ACSM1: variants seen among roughly 807,000 people sequenced by gnomAD.
The protein encoded by ACSM1 is acyl-coenzyme A synthetase ACSM1, mitochondrial.
A neutral mutation model predicts 75.8 loss-of-function variants in ACSM1; 79 were observed. The observed-to-expected ratio is 1.04, with a 90% CI of 0.87 to 1.26. ACSM1 has a LOEUF of 1.26. Ranked by LOEUF, ACSM1 falls within the 50% of genes most tolerant of loss-of-function variation. ACSM1 has a pLI of 0.00. For missense variants in ACSM1, 676 were observed against 720.1 expected (o/e 0.94, Z 0.70); for synonymous variants, 279 against 265.8 (o/e 1.05, Z -0.48).
intron 1 of ACSM1, among the ~76,000 whole-genome samples, chr16:20,694,681 A>G (rs1405163094): frequency 1.3e-5 from 2 of 152,222 alleles, no homozygotes; most frequent in Non-Finnish European, 2.9e-5. Flanking sequence ...TAGTGAGGGA[A>G]TCCATTAACC....
chr16:20,666,412 CT>C (rs1371423723), intron 6 of ACSM1, among the ~76,000 whole-genome samples: 1 of 152,078 alleles, frequency 6.6e-6, no homozygotes, highest in Non-Finnish European at 1.5e-5. Flanking sequence ...AAGAATACAT[CT>C]AACCAAGGAG....
At chr16:20,653,054 C>G (rs112103591) in intron 7 of ACSM1, among the ~76,000 whole-genome samples, 18,749 of 152,168 alleles carry the variant, frequency 0.12, 1,643 homozygotes, top group East Asian at 0.5. Flanking sequence ...GCTTATCCAC[C>G]ATGATCAGGT....
chr16:20,627,887 T>TAC, intron 10 of ACSM1, among the ~76,000 whole-genome samples: 1 of 27,882 alleles, frequency 3.6e-5, no homozygotes, highest in South Asian at 8.9e-4. Context: ...TATATATATA[T>TAC]ATATATATAT....
chr16:20,635,580 T>TTTTCTTTC (rs56177992), intron 10 of ACSM1, among the ~76,000 whole-genome samples: 125 of 124,580 alleles, frequency 1.0e-3, no homozygotes, highest in South Asian at 4.2e-3. Flanking sequence ...TAATTTTTCT[T>TTTTCTTTC]TTTCTTTCTT....
intron 7 of ACSM1, among the ~76,000 whole-genome samples, chr16:20,651,022 T>C (rs981986071): frequency 6.8e-6 from 1 of 147,140 alleles, no homozygotes; most frequent in Non-Finnish European, 1.5e-5. Flanking sequence ...GGGAACTTTT[T>C]GTGTGTGTGT....
rs556067600 is a variant in ACSM1, at chr16:20,646,902, C to A, written c.993-6318G>T. Among the ~76,000 whole-genome samples, 10 of 152,314 alleles carry A rather than the reference C, an allele frequency of 6.6e-5. No homozygotes were observed. The East Asian group carries it at 1.5e-3, about 23-fold the overall frequency. ...CTGAATATACTTCCTCCAATTCCTG[C>A]CTAAAGATAATTTTATGGGGAAGAG... On this transcript the variant is annotated intron_variant, in intron 7 of 13. Transcript: ENST00000520010.
intron 10 of ACSM1, among the ~76,000 whole-genome samples, chr16:20,629,600 G>A (rs1307220406): frequency 4.6e-5 from 7 of 152,290 alleles, no homozygotes; most frequent in Admixed American, 1.3e-4. Flanking sequence ...TTAAATGTAG[G>A]TGGAGTAAGC....
intron 10 of ACSM1, among the ~76,000 whole-genome samples, chr16:20,634,130 G>A (rs139702119): frequency 2.2e-4 from 33 of 152,264 alleles, no homozygotes; most frequent in Non-Finnish European, 4.1e-4. Context: ...ATGGAGAAAG[G>A]TCAGTCGTCA....
chr16:20,636,609 C>T (rs930104562), intron 10 of ACSM1, 130 bp downstream of exon 10: 36 of 677,092 alleles, frequency 5.3e-5, no homozygotes, highest in Non-Finnish European at 6.9e-5. Flanking sequence ...CGGTGAGCTT[C>T]GAGTTGAATG....
chr16:20,652,885 C>A (rs1251040021), intron 7 of ACSM1, among the ~76,000 whole-genome samples: 2 of 152,126 alleles, frequency 1.3e-5, no homozygotes, highest in Non-Finnish European at 2.9e-5. Flanking sequence ...AAGAGGGAAT[C>A]CTCCCTAACT....
intron 4 of ACSM1, chr16:20,673,996 T>C (rs1214274313): frequency 1.8e-5 from 7 of 390,720 alleles, no homozygotes; most frequent in African/African-American, 8.4e-5. Context: ...CAGGGTCACA[T>C]AGCAAAACAG....
At chr16:20,649,723 T>C (rs969020881) in intron 7 of ACSM1, among the ~76,000 whole-genome samples, 11 of 152,196 alleles carry the variant, frequency 7.2e-5, no homozygotes, top group Admixed American at 7.2e-4. Flanking sequence ...AAGCCCCCAC[T>C]TTGAGTTGTC....
chr16:20,652,929 A>G (rs2018727260), intron 7 of ACSM1, among the ~76,000 whole-genome samples: 1 of 152,186 alleles, frequency 6.6e-6, no homozygotes, highest in Non-Finnish European at 1.5e-5. Flanking sequence ...CTGATACCAA[A>G]GCCTGGCAGA....
At chr16:20,663,814 C>T (rs1157781225) in intron 6 of ACSM1, among the ~76,000 whole-genome samples, 1 of 152,092 alleles carries the variant, frequency 6.6e-6, no homozygotes, top group Non-Finnish European at 1.5e-5. Context: ...ATTCTAGTTC[C>T]CCCTTCCGTG....
At chr16:20,669,316 CA>C (rs2019748381) in intron 6 of ACSM1, among the ~76,000 whole-genome samples, 2 of 151,984 alleles carry the variant, frequency 1.3e-5, no homozygotes, top group African/African-American at 4.8e-5. Context: ...ACCTATTTTG[CA>C]GATAAGGAAA....
intron 10 of ACSM1, among the ~76,000 whole-genome samples, chr16:20,628,030 C>A (rs1481283910): frequency 1.3e-5 from 2 of 150,770 alleles, no homozygotes; most frequent in Non-Finnish European, 2.9e-5. Flanking sequence ...TGAGAGGGGT[C>A]AATAAACATT....
chr16:20,627,065 T>C (rs1596777947), intron 11 of ACSM1, 124 bp downstream of exon 11: 3 of 1,304,904 alleles, frequency 2.3e-6, no homozygotes, highest in Non-Finnish European at 2.0e-6. Context: ...CAGGGCACCA[T>C]AGACACGGCT....
intron 7 of ACSM1, among the ~76,000 whole-genome samples, chr16:20,643,811 G>A (rs542162826): frequency 6.6e-6 from 1 of 152,198 alleles, no homozygotes; most frequent in African/African-American, 2.4e-5. Context: ...TTTTTACAGA[G>A]TGCTGACTGG....
In ACSM1 at chr16:20,637,383, G is replaced by C; in HGVS notation, c.1185C>G (p.Pro395=). The change falls in exon 9 of 14, where the codon CCC becomes CCG. Residue 395 remains proline, a synonymous_variant. Transcript: ENST00000520010. ...CTTAGGACCAGACCTGGACGTCGTA[G>C]GGTGGAGTGGCCTTCCCCATGAAAC... is the stretch of plus-strand genomic sequence containing the variant. The part of the protein sequence containing the change: ...KPGFMGKATP[P]YDVQVIDDKG... 6.2e-7 allele frequency: 1 copy of C among 1,614,098 alleles called. No individual in the cohort carries two copies. The highest frequency in any genetic ancestry group is 8.5e-7 in the Non-Finnish European group (1 of 1,179,974).
Sources: gnomAD v4.1 joint callset for allele counts (sites outside exome capture counted in the v4.1 genomes callset) on GRCh38, gnomAD v4.1.1 for gene constraint, MANE v1.5 for transcripts, NCBI Gene and HGNC (gene_info 2026-07-23, HGNC 2026-07-21) for gene names.